TENM4: variants seen among roughly 807,000 people sequenced by gnomAD.
The protein encoded by TENM4 is teneurin transmembrane protein 4, also known as teneurin-4.
TENM4 carries 82 observed loss-of-function variants against 243.3 expected under a neutral mutation model. The observed-to-expected ratio is 0.34, with a 90% CI of 0.28 to 0.40. The LOEUF is 0.40. Among genes scored for constraint, TENM4 ranks in the 10% least tolerant of loss-of-function variants. The pLI is 1.00. For synonymous variants in TENM4, 1,412 were observed against 1,456.3 expected (o/e 0.97, Z 0.69); for missense variants, 3,138 against 3,673.3 (o/e 0.85, Z 3.77).
chr11:79,291,860 T>C lies in TENM4; in HGVS notation c.-265+5628A>G, dbSNP rs374717322. On this transcript the variant is annotated intron_variant, in intron 2 of 33. Coordinates refer to ENST00000278550, the MANE Select transcript of TENM4 (RefSeq NM_001098816.3). ...AGTCTCCCCAAGCACTTGTTCCTGT[T>C]CTAGCTTTTATAGATGAGGGCACTA... Among the ~76,000 whole-genome samples the C allele has an allele frequency of 3.3e-5, 5 of 152,284 alleles. No homozygotes were observed. The East Asian group carries it at 7.7e-4, about 24-fold the overall frequency.
chr11:79,111,949 G>A (rs1237260089), intron 4 of TENM4, among the ~76,000 whole-genome samples: 5 of 152,228 alleles, frequency 3.3e-5, no homozygotes, highest in African/African-American at 1.2e-4. Flanking sequence ...TCAACACAAA[G>A]ATATGGAGTT....
rs146088371 is a variant in TENM4 at position 78,789,537 on chromosome 11, G to A, written c.2180-2454C>T. 5.2e-3 allele frequency among the ~76,000 whole-genome samples: 795 copies of A among 152,312 alleles called. 12 individuals are homozygous for A. The highest frequency in any genetic ancestry group is 0.018 in the African/African-American group (763 of 41,554). ...TCTGGAGGCTGGGCCTGGGGTCAGG[G>A]CTGGAACTTTCCCTTGAGGGCCCTT... On this transcript the variant is annotated intron_variant, in intron 15 of 33. Coordinates refer to ENST00000278550, the MANE Select transcript of TENM4 (RefSeq NM_001098816.3).
At chr11:78,995,921 A>G (rs1858162079) in intron 6 of TENM4, among the ~76,000 whole-genome samples, 2 of 152,176 alleles carry the variant, frequency 1.3e-5, no homozygotes, top group African/African-American at 2.4e-5. Context: ...GCTGAATTGC[A>G]GTAAGACTCA....
At position 79,285,881 on chromosome 11, in the gene TENM4, G is replaced by A. The variant is rs531888839; in HGVS notation, c.-265+11607C>T. Among the ~76,000 whole-genome samples, 18 of 152,314 alleles carry A rather than the reference G, an allele frequency of 1.2e-4. No individual in the cohort carries two copies. The South Asian group carries it at 2.1e-3, about 18-fold the overall frequency. On this transcript the variant is annotated intron_variant, in intron 2 of 33. Transcript: ENST00000278550. ...GAGTGGTTGGCAAGGGCTAGGGGGA[G>A]CAGGGTATGGGGAATGACTGCTAAT...
Position 78,729,625 on chromosome 11 carries a change from A to C in TENM4, c.3157T>G (p.Ser1053Ala), listed in dbSNP as rs964474255. 1 of 1,611,170 alleles carries C rather than the reference A, an allele frequency of 6.2e-7. No individual in the cohort carries two copies. Among genetic ancestry groups the C allele is most frequent in the Non-Finnish European group, 8.5e-7 (1 of 1,177,952 alleles). The change falls in exon 22 of 34, where the codon TCT becomes GCT. Residue 1053 changes from serine to alanine, a missense_variant. Physicochemically the swap from Ser to Ala is moderately conservative, Grantham distance 99 (BLOSUM62 1). Transcript: ENST00000278550. ...AGCCTCATCTTGCAGCCAGAGATAG[A>C]GATTTCCTCCTGCAAAGCCTAGAAA... The part of the protein sequence containing the change: ...PEIQALQEEI[S>A]ISGCKMRLSY...
chr11:78,987,649 TAAGG>T (rs1439816630), intron 6 of TENM4, among the ~76,000 whole-genome samples: 2 of 152,214 alleles, frequency 1.3e-5, no homozygotes, highest in Non-Finnish European at 2.9e-5. Context: ...TTGAAATTCT[TAAGG>T]GAGGGCAAAT....
intron 2 of TENM4, among the ~76,000 whole-genome samples, chr11:79,248,750 A>G (rs1855562156): frequency 6.6e-6 from 1 of 150,814 alleles, no homozygotes; most frequent in Non-Finnish European, 1.5e-5. Context: ...CTTCTGCTCG[A>G]TATGGTCAAC....
At chr11:78,993,160 T>C (rs889748673) in intron 6 of TENM4, among the ~76,000 whole-genome samples, 15 of 152,112 alleles carry the variant, frequency 9.9e-5, no homozygotes, top group Non-Finnish European at 7.3e-5. Context: ...TCAAAATCTT[T>C]CAAGGGGCAT....
At chr11:78,666,641 T>C (rs878955783) in intron 32 of TENM4, among the ~76,000 whole-genome samples, 4 of 152,298 alleles carry the variant, frequency 2.6e-5, no homozygotes, top group Admixed American at 6.5e-5. Flanking sequence ...GCCAGCATGA[T>C]TGTAGTGGAA....
chr11:78,882,146 C>G (rs1438944829), intron 9 of TENM4, among the ~76,000 whole-genome samples: 1 of 152,174 alleles, frequency 6.6e-6, no homozygotes, highest in Non-Finnish European at 1.5e-5. Context: ...TTACTGCACA[C>G]AAATAACACC....
At chr11:78,882,691 T>C (rs1392251510) in intron 9 of TENM4, among the ~76,000 whole-genome samples, 2 of 152,196 alleles carry the variant, frequency 1.3e-5, no homozygotes, top group Non-Finnish European at 2.9e-5. Flanking sequence ...CTATCACCAT[T>C]TCCTAGATAG....
At chr11:78,703,291 C>A (rs1360906953) in intron 27 of TENM4, among the ~76,000 whole-genome samples, 4 of 152,164 alleles carry the variant, frequency 2.6e-5, no homozygotes, top group Non-Finnish European at 1.5e-5. Flanking sequence ...GAATGACAGG[C>A]CTCCTCCAAA....
intron 1 of TENM4, among the ~76,000 whole-genome samples, chr11:79,364,660 T>C (rs1857645960): frequency 1.3e-5 from 2 of 152,248 alleles, no homozygotes; most frequent in Non-Finnish European, 2.9e-5. Flanking sequence ...CAGTAACTCT[T>C]TGAAGTATTT....
chr11:79,138,334 A>ATTATG (rs1862156888), intron 4 of TENM4, among the ~76,000 whole-genome samples: 1 of 122,758 alleles, frequency 8.1e-6, no homozygotes, highest in African/African-American at 3.2e-5. Flanking sequence ...TATATATTAT[A>ATTATG]TATATAATAT....
At position 79,320,421 on chromosome 11, in the gene TENM4, T is replaced by A. The variant is rs1297423062; in HGVS notation, c.-320-22878A>T. On this transcript the variant is annotated intron_variant, in intron 1 of 33. Transcript: ENST00000278550. ...ACTTTAAAATCAATCAAAATAGCAG[T>A]TGAGAAAGAAATAATGACGTTGTAA... Among the ~76,000 whole-genome samples, 3 of 152,170 alleles carry A rather than the reference T, an allele frequency of 2.0e-5. No homozygotes were observed. In the East Asian group the frequency reaches 5.8e-4, roughly 29 times the overall value.
chr11:78,676,064 T>A (rs779642932), intron 30 of TENM4, 88 bp downstream of exon 30: 3 of 1,255,494 alleles, frequency 2.4e-6, no homozygotes, highest in Non-Finnish European at 2.1e-6. Flanking sequence ...TGAACTGAGG[T>A]CCCAGGGAAT....
At chr11:79,062,449 A>G (rs184937008) in intron 6 of TENM4, among the ~76,000 whole-genome samples, 52 of 152,320 alleles carry the variant, frequency 3.4e-4, no homozygotes, top group Non-Finnish European at 6.2e-4. Flanking sequence ...AGAATAAAAG[A>G]GTTCTGTGGT....
chr11:79,255,316 G>A (rs941480046), intron 2 of TENM4, among the ~76,000 whole-genome samples: 1 of 152,208 alleles, frequency 6.6e-6, no homozygotes, highest in African/African-American at 2.4e-5. Context: ...TGCATGGGAT[G>A]CTGACACAGT....
Position 79,170,015 on chromosome 11 carries a change from A to C in TENM4, c.-162-21209T>G, listed in dbSNP as rs531360796. On this transcript the variant is annotated intron_variant, in intron 3 of 33. Transcript: ENST00000278550. ...CTGGTGCCTGGGCATCTTTGCCCCTAAAGAGAGCTGGCTGGCTTTTTGGGC... is the reference window on the plus strand; with the variant it reads ...CTGGTGCCTGGGCATCTTTGCCCCTCAAGAGAGCTGGCTGGCTTTTTGGGC... Among the ~76,000 whole-genome samples the C allele has an allele frequency of 2.0e-5, 3 of 152,312 alleles. No homozygotes were observed. In the South Asian group the frequency reaches 6.2e-4, roughly 32 times the overall value.
Sources: allele counts gnomAD v4.1 joint callset (sites outside exome capture counted in the v4.1 genomes callset), GRCh38; gene constraint gnomAD v4.1.1; transcripts MANE v1.5; gene names NCBI Gene and HGNC (gene_info 2026-07-23, HGNC 2026-07-21).